Variants in LIMK2 observed in about 807,000 individuals in gnomAD.
LIMK2 encodes LIM domain kinase 2.
A neutral mutation model predicts 75.7 loss-of-function variants in LIMK2; 35 were observed. The observed-to-expected ratio is 0.46, with a 90% CI of 0.35 to 0.61. LIMK2 has a LOEUF of 0.61. LIMK2 is among the 20% of genes least tolerant of loss of function. The probability of loss-of-function intolerance (pLI) is 0.00; values close to 1 mark genes in which losing one functional copy is unlikely to be tolerated. For synonymous variants in LIMK2, 301 were observed against 319.2 expected (o/e 0.94, Z 0.61); for missense variants, 623 against 831.0 (o/e 0.75, Z 3.08).
chr22:31,251,980 G>T (rs892382509), intron 2 of LIMK2, among the ~76,000 whole-genome samples: 1 of 152,182 alleles, frequency 6.6e-6, no homozygotes, highest in Middle Eastern at 3.2e-3. Flanking sequence ...GGAGGTTAAG[G>T]GATGACCATC....
chr22:31,267,573 T>G (rs2048908561), intron 9 of LIMK2, among the ~76,000 whole-genome samples: 1 of 152,204 alleles, frequency 6.6e-6, no homozygotes, highest in Non-Finnish European at 1.5e-5. Context: ...CCAATGCAGT[T>G]CCAAGGGTAA....
At chr22:31,271,285 C>A in intron 12 of LIMK2, 84 bp downstream of exon 12, 1 of 1,204,462 alleles carries the variant, frequency 8.3e-7, no homozygotes, top group Non-Finnish European at 1.2e-6. Context: ...CTTGTCCCCT[C>A]TGGCTAGAGG....
Position 31,260,021 on chromosome 22 carries a change from C to G in LIMK2, c.495C>G (p.Phe165Leu). Residue 165 changes from phenylalanine to leucine, a missense_variant, in exon 5 of 16, where the codon TTC (phenylalanine) becomes TTG (leucine). By Grantham distance (22) the Phe-to-Leu change is conservative. Coordinates refer to ENST00000331728, the MANE Select transcript of LIMK2 (RefSeq NM_005569.4). The stretch of plus-strand genomic sequence containing the variant: ...CCACCACTGAAGGCAGGCGGGGCTT[C>G]TCCGTGTCCGTGGAGAGTGCCTGCT... ...MPATTEGRRG[F>L]SVSVESACSN... 3.7e-6 allele frequency: 6 copies of G among 1,609,780 alleles called. No homozygotes were observed. Among genetic ancestry groups the G allele is most frequent in the Non-Finnish European group, 5.1e-6 (6 of 1,178,848 alleles).
intron 1 of LIMK2, among the ~76,000 whole-genome samples, chr22:31,214,716 C>G: frequency 6.6e-6 from 1 of 152,010 alleles, no homozygotes; most frequent in East Asian, 1.9e-4. Flanking sequence ...GCAGAGGAAA[C>G]AGCATAAAAA....
intron 2 of LIMK2, among the ~76,000 whole-genome samples, chr22:31,231,518 G>A (rs149562430): frequency 6.1e-4 from 93 of 152,312 alleles, no homozygotes; most frequent in Middle Eastern, 3.4e-3. Flanking sequence ...GGGCCTGCCT[G>A]ACAGAGGAAG....
intron 2 of LIMK2, among the ~76,000 whole-genome samples, chr22:31,245,459 G>A (rs965852912): frequency 1.4e-4 from 22 of 152,096 alleles, no homozygotes; most frequent in Non-Finnish European, 2.6e-4. Flanking sequence ...GTGCCACCAC[G>A]CCTGGCTAAT....
chr22:31,267,554 C>G (rs1569000418), intron 9 of LIMK2, among the ~76,000 whole-genome samples: 2 of 152,218 alleles, frequency 1.3e-5, no homozygotes, highest in African/African-American at 4.8e-5. Flanking sequence ...CACTCCCACC[C>G]CAGTTCTCCC....
intron 2 of LIMK2, among the ~76,000 whole-genome samples, chr22:31,244,814 A>C (rs1052536164): frequency 6.6e-6 from 1 of 152,192 alleles, no homozygotes; most frequent in African/African-American, 2.4e-5. Flanking sequence ...CATGCAGTGC[A>C]TTGTCGCATT....
chr22:31,212,524 T>C, intron 1 of LIMK2, 100 bp downstream of exon 1: 1 of 1,221,560 alleles, frequency 8.2e-7, no homozygotes. Context: ...TTCGGGCTGG[T>C]TGGGTCCTCG....
chr22:31,217,355 C>T (rs2048396887), intron 1 of LIMK2, among the ~76,000 whole-genome samples: 1 of 151,874 alleles, frequency 6.6e-6, no homozygotes, highest in Admixed American at 6.6e-5. Flanking sequence ...CGAGGTTGCA[C>T]CACCGCACTC....
Position 31,262,595 on chromosome 22 carries a change from G to T in LIMK2, c.658G>T (p.Val220Leu), listed in dbSNP as rs1489439369. Residue 220 changes from valine to leucine, a missense_variant and splice_region_variant, in exon 7 of 16, where the codon GTG (valine) becomes TTG (leucine). Coordinates refer to ENST00000331728, the MANE Select transcript of LIMK2 (RefSeq NM_005569.4). This position sits in a 1 kb window ranked among gnomAD's most constrained non-coding sequence, Gnocchi z 5.0. ...TPVRTLRVEE[V>L]EDAISQTSQT... The stretch of plus-strand genomic sequence containing the variant: ...AGCTTTATACTGCTCTTGGCCACAG[G>T]TGGAGGATGCAATTAGCCAGACGAG... The T allele has an allele frequency of 2.5e-6, 4 of 1,610,314 alleles. No individual in the cohort carries two copies. In the Admixed American group the frequency reaches 6.7e-5, roughly 27 times the overall value.
chr22:31,268,324 C>A (rs1425762052), intron 11 of LIMK2, 124 bp downstream of exon 11: 1 of 801,056 alleles, frequency 1.2e-6, no homozygotes, highest in Non-Finnish European at 2.2e-6. Flanking sequence ...AGCAGCTATT[C>A]ATTGAGTTTG....
chr22:31,266,318 G>A (rs2048895215), intron 8 of LIMK2, among the ~76,000 whole-genome samples, 186 bp downstream of exon 8: 1 of 152,156 alleles, frequency 6.6e-6, no homozygotes, highest in South Asian at 2.1e-4. Context: ...CAATGTTGCT[G>A]TTACAGTGAG....
intron 5 of LIMK2, among the ~76,000 whole-genome samples, chr22:31,261,196 C>T (rs7289189): frequency 0.38 from 58,077 of 151,942 alleles, 12,856 homozygotes; most frequent in Middle Eastern, 0.56. Flanking sequence ...CATAGTGGCT[C>T]ACGCCTGTAA....
At position 31,273,486 on chromosome 22, in the gene LIMK2, C is replaced by G. The variant is rs775327453; in HGVS notation, c.1593C>G (p.Ser531=). The change falls in exon 14 of 16, where the codon TCC becomes TCG. Residue 531 remains serine (S), a synonymous_variant. Coordinates refer to ENST00000331728, the MANE Select transcript of LIMK2 (RefSeq NM_005569.4). ...ATGATGAGACGGTGGATATCTTCTCCTTTGGGATCGTTCTCTGTGAGGTGA... is the reference window on the plus strand; with the variant it reads ...ATGATGAGACGGTGGATATCTTCTCGTTTGGGATCGTTCTCTGTGAGGTGA... ...KSYDETVDIF[S]FGIVLCEIIG... is the part of the protein sequence containing the mutation. 2 of 1,613,904 alleles carry G rather than the reference C, an allele frequency of 1.2e-6. No homozygotes were observed. Among genetic ancestry groups the G allele is most frequent in the Non-Finnish European group, 1.7e-6 (2 of 1,179,880 alleles).
At chr22:31,235,645 G>T (rs1446095120) in intron 2 of LIMK2, among the ~76,000 whole-genome samples, 1 of 152,118 alleles carries the variant, frequency 6.6e-6, no homozygotes, top group African/African-American at 2.4e-5. Context: ...TCGTAAGTTT[G>T]TTTTGTTTCA....
rs192489148 is a variant in LIMK2 at position 31,273,134 on chromosome 22, A to G, written c.1559-318A>G. ...CAATCCATTTTGGAGTCTGAGGCCC[A>G]GAGAAGTTCAGTGAATTGCCTAGGA... On this transcript the variant is annotated intron_variant, in intron 13 of 15. Transcript: ENST00000331728. 7.3e-6 allele frequency: 5 copies of G among 683,512 alleles called. No homozygotes were observed. In the Admixed American group the frequency reaches 2.5e-4, roughly 34 times the overall value. The allele number at this position is 683,512 out of a possible 1,614,324, so 42.3% of individuals were successfully genotyped here.
chr22:31,235,463 CCTT>C (rs1323923355), intron 2 of LIMK2, among the ~76,000 whole-genome samples: 5 of 152,156 alleles, frequency 3.3e-5, no homozygotes, highest in African/African-American at 9.7e-5. Flanking sequence ...CCCCAGGAGT[CCTT>C]CTTTCCAGCA....
intron 11 of LIMK2, among the ~76,000 whole-genome samples, chr22:31,269,102 G>C (rs755045116): frequency 2.0e-5 from 3 of 151,572 alleles, no homozygotes; most frequent in Non-Finnish European, 2.9e-5. Flanking sequence ...CAGGAAGGAG[G>C]TTTTTTTGTT....
Sources: allele counts gnomAD v4.1 joint callset (sites outside exome capture counted in the v4.1 genomes callset), GRCh38; gene constraint gnomAD v4.1.1; non-coding constraint Gnocchi (gnomAD v3.1); transcripts MANE v1.5; gene names NCBI Gene and HGNC (gene_info 2026-07-23, HGNC 2026-07-21).